PDSS2: variants seen among roughly 807,000 people sequenced by gnomAD.
PDSS2 encodes the protein decaprenyl diphosphate synthase subunit 2, also known as all trans-polyprenyl-diphosphate synthase PDSS2.
PDSS2 carries 31 observed loss-of-function variants against 44.5 expected under a neutral mutation model. The ratio of observed to expected loss-of-function variants is 0.70; its 90% CI spans 0.52 to 0.94. The LOEUF is 0.94. PDSS2 is among the 40% of genes least tolerant of loss of function. The probability of loss-of-function intolerance (pLI) is 0.00; values close to 1 mark genes in which losing one functional copy is unlikely to be tolerated. For synonymous variants in PDSS2, 157 were observed against 180.3 expected (o/e 0.87, Z 1.03); for missense variants, 452 against 482.2 (o/e 0.94, Z 0.59).
intron 1 of PDSS2, among the ~76,000 whole-genome samples, chr6:107,372,656 A>T (rs907531615): frequency 6.6e-6 from 1 of 151,962 alleles, no homozygotes; most frequent in Admixed American, 6.6e-5. Flanking sequence ...GTTTCACCGT[A>T]TTAGCCAGGA....
chr6:107,367,899 C>T (rs1248825741), intron 1 of PDSS2, among the ~76,000 whole-genome samples: 1 of 151,336 alleles, frequency 6.6e-6, no homozygotes, highest in African/African-American at 2.4e-5. Flanking sequence ...AATACTAAGG[C>T]ATCTATAATA....
rs1775689150 is a variant in PDSS2, at chr6:107,274,018, C to G, written c.630+11G>C. 1 of 1,611,972 alleles carries G rather than the reference C, an allele frequency of 6.2e-7. No individual in the cohort carries two copies. Among genetic ancestry groups the G allele is most frequent in the South Asian group, 1.1e-5 (1 of 91,046 alleles). ...GCCATTCAGGTACAACAAAACCCTG[C>G]CCAATTTTACCTTGGTGTTCTGTAG... On this transcript the variant is annotated intron_variant, in intron 3 of 7. Transcript: ENST00000369037.
chr6:107,226,962 C>T (rs1000029408), intron 4 of PDSS2, among the ~76,000 whole-genome samples: 1 of 150,164 alleles, frequency 6.7e-6, no homozygotes, highest in Non-Finnish European at 1.5e-5. Context: ...TGAGCCACCG[C>T]GCCCGGCCCA....
At chr6:107,420,668 C>A (rs758216663) in intron 1 of PDSS2, among the ~76,000 whole-genome samples, 1 of 151,954 alleles carries the variant, frequency 6.6e-6, no homozygotes, top group African/African-American at 2.4e-5. Context: ...AAACGCACAC[C>A]GCATACAAAG....
intron 1 of PDSS2, among the ~76,000 whole-genome samples, chr6:107,414,626 C>A (rs1264572000): frequency 1.3e-5 from 2 of 152,200 alleles, no homozygotes; most frequent in Non-Finnish European, 2.9e-5. Context: ...TCAAGATACC[C>A]TTCTCTCCTT....
Position 107,155,794 on chromosome 6 carries a change from G to T in PDSS2, c.1042-1017C>A, listed in dbSNP as rs1336726358. On this transcript the variant is annotated intron_variant, in intron 7 of 7. Transcript: ENST00000369037. ...GGGGTTTCGCCATGTTGGCCAGGCT[G>T]GTCTGGATCTCTTGACCTCGTGATC... Among the ~76,000 whole-genome samples, 5 of 150,138 alleles carry T rather than the reference G, an allele frequency of 3.3e-5. No individual in the cohort carries two copies. The Admixed American group carries it at 3.3e-4, about 10-fold the overall frequency.
chr6:107,227,277 C>CTTTTTTTTTTTT (rs1166276736), intron 4 of PDSS2, among the ~76,000 whole-genome samples: 1 of 64,974 alleles, frequency 1.5e-5, no homozygotes, highest in East Asian at 8.9e-4. Context: ...GCCACTGTGC[C>CTTTTTTTTTTTT]CTTTTTTTTT....
intron 1 of PDSS2, among the ~76,000 whole-genome samples, chr6:107,338,908 A>G (rs1777993246): frequency 6.6e-6 from 1 of 151,378 alleles, no homozygotes; most frequent in South Asian, 2.1e-4. Context: ...TTTTTCTTTT[A>G]GAGACAGGGT....
intron 4 of PDSS2, among the ~76,000 whole-genome samples, chr6:107,212,835 A>G (rs1365303563): frequency 1.9e-5 from 1 of 53,476 alleles, no homozygotes; most frequent in Admixed American, 1.9e-4. Context: ...GCAAGACTCT[A>G]CAAAAAAAAA....
chr6:107,412,233 CTTTTTTTTTTT>C (rs1169549611), intron 1 of PDSS2, among the ~76,000 whole-genome samples: 2 of 73,406 alleles, frequency 2.7e-5, no homozygotes, highest in African/African-American at 5.0e-5. Context: ...GTCCTTTGCT[CTTTTTTTTTTT>C]TTTTTTTTTT....
chr6:107,423,231 T>A (rs1305005709), intron 1 of PDSS2, among the ~76,000 whole-genome samples: 1 of 152,078 alleles, frequency 6.6e-6, no homozygotes, highest in African/African-American at 2.4e-5. Flanking sequence ...AATTTATTAA[T>A]AACATATTGA....
chr6:107,377,367 A>G (rs1462455774), intron 1 of PDSS2, among the ~76,000 whole-genome samples: 2 of 152,230 alleles, frequency 1.3e-5, no homozygotes, highest in Non-Finnish European at 2.9e-5. Flanking sequence ...AATGGCGATC[A>G]TTAAAAAGTC....
At chr6:107,395,617 T>G (rs1319022371) in intron 1 of PDSS2, among the ~76,000 whole-genome samples, 1 of 152,184 alleles carries the variant, frequency 6.6e-6, no homozygotes, top group Non-Finnish European at 1.5e-5. Flanking sequence ...GCTCTTTATA[T>G]TTTCCATTTC....
At chr6:107,396,668 CTT>C (rs1204487867) in intron 1 of PDSS2, among the ~76,000 whole-genome samples, 1 of 128,578 alleles carries the variant, frequency 7.8e-6, no homozygotes, top group Non-Finnish European at 1.7e-5. Context: ...TTTTTTTCCT[CTT>C]CTTTTTTCTT....
chr6:107,297,883 T>G (rs1776563922), intron 2 of PDSS2, among the ~76,000 whole-genome samples: 1 of 151,890 alleles, frequency 6.6e-6, no homozygotes, highest in Non-Finnish European at 1.5e-5. Context: ...GTAGCTGGGA[T>G]TATAGGCGTG....
At chr6:107,334,101 T>G (rs1422206377) in intron 2 of PDSS2, 97 bp downstream of exon 2, 1 of 1,087,818 alleles carries the variant, frequency 9.2e-7, no homozygotes, top group African/African-American at 1.5e-5. Context: ...TATCTTTGAA[T>G]CAGAGAATGA....
At chr6:107,346,470 CATTT>C (rs1390989270) in intron 1 of PDSS2, among the ~76,000 whole-genome samples, 1 of 152,144 alleles carries the variant, frequency 6.6e-6, no homozygotes, top group African/African-American at 2.4e-5. Context: ...TATAGCACAT[CATTT>C]ATTTTGATTA....
At chr6:107,378,687 G>A (rs970345481) in intron 1 of PDSS2, among the ~76,000 whole-genome samples, 2 of 152,200 alleles carry the variant, frequency 1.3e-5, no homozygotes, top group Non-Finnish European at 1.5e-5. Context: ...TGAAGGGGCT[G>A]AGGCAGGAGA....
intron 7 of PDSS2, among the ~76,000 whole-genome samples, chr6:107,178,714 G>C (rs560075533): frequency 1.3e-5 from 2 of 152,144 alleles, no homozygotes; most frequent in African/African-American, 4.8e-5. Context: ...TGAGAAGCAG[G>C]ATGGTGGTAA....
Sources: allele counts gnomAD v4.1 joint callset (sites outside exome capture counted in the v4.1 genomes callset), GRCh38; gene constraint gnomAD v4.1.1; transcripts MANE v1.5; gene names NCBI Gene and HGNC (gene_info 2026-07-23, HGNC 2026-07-21).